Variants in PEAK1 observed in about 807,000 individuals in gnomAD.
PEAK1 encodes the protein inactive tyrosine-protein kinase PEAK1.
A neutral mutation model predicts 124.7 loss-of-function variants in PEAK1; 54 were observed. The observed-to-expected ratio is 0.43, with a 90% CI of 0.35 to 0.54. The LOEUF is 0.54. PEAK1 is among the 20% of genes least tolerant of loss of function. The pLI is 0.01. For missense variants in PEAK1, 2,046 were observed against 2,134.5 expected (o/e 0.96, Z 0.82); for synonymous variants, 719 against 760.0 (o/e 0.95, Z 0.89).
chr15:77,139,817 A>AAT (rs1004012426), intron 8 of PEAK1, among the ~76,000 whole-genome samples: 107 of 151,990 alleles, frequency 7.0e-4, no homozygotes, highest in African/African-American at 2.4e-3. Context: ...ATACACATAT[A>AAT]ATATATATAT....
chr15:77,405,155 G>GCCA (rs747395053), intron 1 of PEAK1, among the ~76,000 whole-genome samples: 34 of 152,090 alleles, frequency 2.2e-4, no homozygotes, highest in Non-Finnish European at 4.4e-4. Context: ...ACAGGTGCAC[G>GCCA]CCACCACACC....
chr15:77,102,834 A>T (rs1195766000), exon 7 of PEAK1: 1 of 151,966 alleles, frequency 6.6e-6, no homozygotes, highest in Non-Finnish European at 1.5e-5. Flanking sequence ...TGGGTTTTTC[A>T]TGTATTCGTT....
chr15:77,321,254 G>C (rs2065197315), intron 2 of PEAK1, among the ~76,000 whole-genome samples: 1 of 152,196 alleles, frequency 6.6e-6, no homozygotes, highest in Non-Finnish European at 1.5e-5. Context: ...CACAATGGTT[G>C]AACTAGTTTA....
chr15:77,187,306 C>T (rs1055379918), intron 6 of PEAK1, among the ~76,000 whole-genome samples: 2 of 152,162 alleles, frequency 1.3e-5, no homozygotes, highest in Non-Finnish European at 2.9e-5. Context: ...TATTTCACTT[C>T]AAGTCATGAC....
chr15:77,336,209 G>C (rs1196468874), intron 2 of PEAK1: 1 of 985,416 alleles, frequency 1.0e-6, no homozygotes, highest in Non-Finnish European at 1.2e-6. Flanking sequence ...CAGAGAATCA[G>C]CCTCATTCAT....
intron 1 of PEAK1, chr15:77,418,489 G>C (rs2073072034): frequency 2.0e-6 from 2 of 984,970 alleles, no homozygotes; most frequent in Non-Finnish European, 1.2e-6. Flanking sequence ...AAATTCACTA[G>C]CAATGCTATG....
intron 7 of PEAK1, among the ~76,000 whole-genome samples, chr15:77,163,479 A>G (rs907025128): frequency 6.6e-6 from 1 of 152,230 alleles, no homozygotes; most frequent in African/African-American, 2.4e-5. Context: ...TGGTTTACCC[A>G]GGTGGTAGAG....
intron 6 of PEAK1, among the ~76,000 whole-genome samples, chr15:77,189,355 G>A (rs897062229): frequency 2.6e-5 from 4 of 152,170 alleles, no homozygotes; most frequent in East Asian, 1.9e-4. Flanking sequence ...ATGCATGCAC[G>A]TATGCATGCA....
chr15:77,307,016 C>T (rs2064143419), intron 2 of PEAK1, among the ~76,000 whole-genome samples: 1 of 152,108 alleles, frequency 6.6e-6, no homozygotes, highest in South Asian at 2.1e-4. Context: ...GCCCATAAGA[C>T]TATGTCAAAT....
chr15:77,268,909 A>T (rs568005130), intron 5 of PEAK1, among the ~76,000 whole-genome samples: 1 of 152,282 alleles, frequency 6.6e-6, no homozygotes, highest in South Asian at 2.1e-4. Flanking sequence ...GTATGCAACA[A>T]AACTAGGCTT....
intron 1 of PEAK1, among the ~76,000 whole-genome samples, chr15:77,373,689 C>T (rs1452857196): frequency 1.3e-5 from 2 of 152,210 alleles, no homozygotes; most frequent in African/African-American, 4.8e-5. Context: ...CTACAGCCAT[C>T]TTAACTGGTT....
In PEAK1 at chr15:77,418,937, T is replaced by C. The variant is rs1348044239; in HGVS notation, c.-666+1069A>G. On this transcript the variant is annotated intron_variant, in intron 1 of 9. Transcript: ENST00000682557. ...AAAGCTGTTCACGTACATCATCCAATGACCTAAAAATAGTCTTTTATGTAA... is the reference window on the plus strand; with the variant it reads ...AAAGCTGTTCACGTACATCATCCAACGACCTAAAAATAGTCTTTTATGTAA... The C allele has an allele frequency of 9.1e-6, 9 of 985,420 alleles. No individual in the cohort carries two copies. The Admixed American group carries it at 3.7e-4, about 40-fold the overall frequency. 61.0% of individuals were successfully genotyped at this position (985,420 alleles called of 1,614,324 possible). A position where few individuals can be genotyped will look rare whatever the true frequency, so the allele number is the denominator to read the frequency against.
At chr15:77,346,287 T>TGCA in intron 2 of PEAK1, 1 of 943,890 alleles carries the variant, frequency 1.1e-6, no homozygotes, top group Non-Finnish European at 1.3e-6. Flanking sequence ...GAATTCAAAT[T>TGCA]GCAGCAGCAG....
chr15:77,180,972 C>G lies in PEAK1; in HGVS notation c.955G>C (p.Gly319Arg), dbSNP rs1028068945. ...GAGACCACAGAATTTTCCTCATAAC[C>G]ATTCAGGATTTCATCATAGCTGTCA... ...YDDSYDEILN[G>R]YEENSVVSYG... The change falls in exon 7 of 10, where the codon GGT (glycine) becomes CGT (arginine). Residue 319 changes from glycine (G) to arginine (R), a missense_variant. Gly to Arg is a moderately radical substitution (Grantham distance 125). Coordinates refer to ENST00000682557, the MANE Select transcript of PEAK1 (RefSeq NM_001385026.1). The G allele has an allele frequency of 6.2e-7, 1 of 1,614,006 alleles. No individual in the cohort carries two copies.
intron 9 of PEAK1, among the ~76,000 whole-genome samples, chr15:77,122,517 T>A (rs948144806): frequency 6.6e-6 from 1 of 152,198 alleles, no homozygotes; most frequent in Non-Finnish European, 1.5e-5. Flanking sequence ...TTCAATTAAC[T>A]TGAATTCCAA....
chr15:77,401,283 C>A (rs2071357541), intron 1 of PEAK1, among the ~76,000 whole-genome samples: 1 of 152,140 alleles, frequency 6.6e-6, no homozygotes, highest in African/African-American at 2.4e-5. Context: ...AAAATAATCA[C>A]CATATAAATG....
At chr15:77,273,523 T>TAAAAAC (rs900595954) in intron 5 of PEAK1, among the ~76,000 whole-genome samples, 19 of 149,948 alleles carry the variant, frequency 1.3e-4, no homozygotes, top group East Asian at 1.9e-4. Flanking sequence ...TAACAGCTGT[T>TAAAAAC]AAAAACAAAA....
chr15:77,414,218 T>A (rs1274993745), intron 1 of PEAK1, among the ~76,000 whole-genome samples: 1 of 75,630 alleles, frequency 1.3e-5, no homozygotes, highest in Non-Finnish European at 3.7e-5. Flanking sequence ...TTTTTTTTTT[T>A]TTTTTTTTTG....
chr15:77,169,688 T>A (rs975389652), intron 7 of PEAK1, among the ~76,000 whole-genome samples: 5 of 152,136 alleles, frequency 3.3e-5, no homozygotes, highest in African/African-American at 1.2e-4. Flanking sequence ...AGGTCAGAGA[T>A]GATGGTAGTT....
Sources: allele counts gnomAD v4.1 joint callset (sites outside exome capture counted in the v4.1 genomes callset), GRCh38; gene constraint gnomAD v4.1.1; transcripts MANE v1.5; gene names NCBI Gene and HGNC (gene_info 2026-07-23, HGNC 2026-07-21).